The following UBFD1 variants were observed in gnomAD, a reference collection of about 807,000 sequenced individuals.
UBFD1 encodes ubiquitin domain-containing protein UBFD1.
A neutral mutation model predicts 35.1 loss-of-function variants in UBFD1; 12 were observed. The observed-to-expected ratio is 0.34, with a 90% confidence interval of 0.22 to 0.55. The LOEUF (loss-of-function observed/expected upper bound fraction) is 0.55. UBFD1 is among the 20% of genes least tolerant of loss of function. UBFD1 has a pLI of 0.89. For synonymous variants in UBFD1, 178 were observed against 167.6 expected (o/e 1.06, Z -0.48); for missense variants, 337 against 410.8 (o/e 0.82, Z 1.55).
At position 23,573,299 on chromosome 16, in the gene UBFD1, C is replaced by CA. The variant is rs1449532814; in HGVS notation, c.*2710dup. ...ATGGAGGGGGTGGCCGTCTCTTAGA[C>CA]ATTGGACACCTCTCAGAGCCTCCTG... On this transcript the variant is annotated 3_prime_UTR_variant, in exon 7 of 7. Coordinates refer to ENST00000395878, the MANE Select transcript of UBFD1 (RefSeq NM_019116.3). 2 of 152,346 alleles carry CA rather than the reference C, an allele frequency of 1.3e-5. No individual in the cohort carries two copies. The highest frequency in any genetic ancestry group is 2.9e-5 in the Non-Finnish European group (2 of 68,036). 9.4% of individuals were successfully genotyped at this position (152,346 alleles called of 1,614,324 possible).
rs1024191923 is a variant in UBFD1, at chr16:23,562,145, G to A, written c.565-61G>A. 66 of 1,486,278 alleles carry A rather than the reference G, an allele frequency of 4.4e-5. No homozygotes were observed. In the South Asian group the frequency reaches 4.9e-4, roughly 11 times the overall value. The allele number at this position is 1,486,278 out of a possible 1,614,324, so 92.1% of individuals were successfully genotyped here. A position where few individuals can be genotyped will look rare whatever the true frequency, so the allele number is the denominator to read the frequency against. The stretch of plus-strand genomic sequence containing the variant: ...GCTTTCTTCATCCTCTCTTTCAAGG[G>A]AATAGTAACACGACGAAATGTAGTC... On this transcript the variant is annotated intron_variant, in intron 3 of 6. Coordinates refer to ENST00000395878, the MANE Select transcript of UBFD1 (RefSeq NM_019116.3).
chr16:23,564,731 CTG>C (rs1965986495), intron 5 of UBFD1: 1 of 152,230 alleles, frequency 6.6e-6, no homozygotes, highest in Admixed American at 6.5e-5. Context: ...GGAACTAAGT[CTG>C]TAAGTGCTCA....
At chr16:23,562,114 A>C in intron 3 of UBFD1, 92 bp from the exon 4 acceptor site, 1 of 1,231,408 alleles carries the variant, frequency 8.1e-7, no homozygotes, top group Non-Finnish European at 1.2e-6. Flanking sequence ...GAGCCAAAAC[A>C]CTAAGGCTTT....
At chr16:23,565,174 T>C (rs1199887534) in intron 5 of UBFD1, 1 of 152,220 alleles carries the variant, frequency 6.6e-6, no homozygotes, top group African/African-American at 2.4e-5. Flanking sequence ...GTCTTTCTGC[T>C]GGCAAGAAGA....
chr16:23,559,648 A>T lies in UBFD1; in HGVS notation c.536A>T (p.Asn179Ile). The T allele has an allele frequency of 6.2e-7, 1 of 1,614,240 alleles. No homozygotes were observed. The highest frequency in any genetic ancestry group is 8.5e-7 in the Non-Finnish European group (1 of 1,180,042). ...CAGCAGGATGCAAAGGCCGAAGAGAACAAGAAGGAGCCTCTCTGCAGGCAG... is the reference window on the plus strand; with the variant it reads ...CAGCAGGATGCAAAGGCCGAAGAGATCAAGAAGGAGCCTCTCTGCAGGCAG... The part of the protein sequence containing the change: ...AAQQDAKAEE[N>I]KKEPLCRQKQ... Residue 179 changes from asparagine to isoleucine, a missense_variant, in exon 3 of 7, where the codon AAC (asparagine) becomes ATC (isoleucine). Asn to Ile is a moderately radical substitution (Grantham distance 149). Coordinates refer to ENST00000395878, the MANE Select transcript of UBFD1 (RefSeq NM_019116.3).
Position 23,557,996 on chromosome 16 carries a change from T to C in UBFD1, c.72T>C (p.Thr24=). 1 of 1,369,336 alleles carries C rather than the reference T, an allele frequency of 7.3e-7. No individual in the cohort carries two copies. Among genetic ancestry groups the C allele is most frequent in the South Asian group, 2.3e-5 (1 of 43,720 alleles). 84.8% of individuals were successfully genotyped at this position (1,369,336 alleles called of 1,614,324 possible). A position where few individuals can be genotyped will look rare whatever the true frequency, so the allele number is the denominator to read the frequency against. ...GMDTEAETVA[T]EAPARPVNCL... is the part of the protein sequence containing the mutation. ...ACACGGAGGCCGAGACTGTGGCTAC[T>C]GAGGCTCCCGCGCGGCCCGTCAACT... is the stretch of plus-strand genomic sequence containing the variant. Residue 24 remains threonine, a synonymous_variant, in exon 2 of 7, where the codon ACT becomes ACC. Transcript: ENST00000395878.
intron 6 of UBFD1, 102 bp downstream of exon 6, chr16:23,567,171 TC>T: frequency 9.1e-7 from 1 of 1,100,746 alleles, no homozygotes; most frequent in Non-Finnish European, 1.3e-6. Context: ...AAACTCAGTC[TC>T]CAGAAGATGC....
chr16:23,561,136 A>G (rs1325600417), intron 3 of UBFD1, among the ~76,000 whole-genome samples: 1 of 152,208 alleles, frequency 6.6e-6, no homozygotes, highest in Non-Finnish European at 1.5e-5. Flanking sequence ...GCCAATTATG[A>G]TGCATCACAT....
rs1597033808 is a variant in UBFD1, at chr16:23,557,779, G to A, written c.25+12G>A. 1.6e-6 allele frequency: 2 copies of A among 1,282,402 alleles called. No individual in the cohort carries two copies. Among genetic ancestry groups the A allele is most frequent in the Non-Finnish European group, 9.9e-7 (1 of 1,014,654 alleles). The allele number at this position is 1,282,402 out of a possible 1,614,324, so 79.4% of individuals were successfully genotyped here. A position where few individuals can be genotyped will look rare whatever the true frequency, so the allele number is the denominator to read the frequency against. On this transcript the variant is annotated intron_variant, in intron 1 of 6. Transcript: ENST00000395878. The stretch of plus-strand genomic sequence containing the variant: ...CGGGGCCCCGGATGGTGAGTGCGGC[G>A]GGGGTGGCGGGCGCCGGGCCGGGGC...
At chr16:23,560,227 G>T (rs1170068271) in intron 3 of UBFD1, among the ~76,000 whole-genome samples, 1 of 152,012 alleles carries the variant, frequency 6.6e-6, no homozygotes, top group Non-Finnish European at 1.5e-5. Flanking sequence ...GGTTTTTTAC[G>T]TTCTCTGTTC....
At chr16:23,562,382 GAC>G (rs199682807) in intron 4 of UBFD1, 111 bp downstream of exon 4, 1 of 1,022,696 alleles carries the variant, frequency 9.8e-7, no homozygotes, top group African/African-American at 1.7e-5. Context: ...TTTTTTTTGA[GAC>G]AGAGTCTTGC....
At position 23,558,139 on chromosome 16, in the gene UBFD1, G is replaced by T; in HGVS notation, c.215G>T (p.Ser72Ile). 1 of 1,604,238 alleles carries T rather than the reference G, an allele frequency of 6.2e-7. No individual in the cohort carries two copies. Among genetic ancestry groups the T allele is most frequent in the Non-Finnish European group, 8.5e-7 (1 of 1,176,254 alleles). Residue 72 changes from serine to isoleucine, a missense_variant, in exon 2 of 7, where the codon AGC (serine) becomes ATC (isoleucine). By Grantham distance (142) the Ser-to-Ile change is moderately radical. Coordinates refer to ENST00000395878, the MANE Select transcript of UBFD1 (RefSeq NM_019116.3). ...PGDPAAQASV[S>I]NGEDAGGGAG... ...GACCCCGCAGCCCAGGCCTCGGTCA[G>T]CAACGGCGAAGACGCGGGCGGCGGC... is the stretch of plus-strand genomic sequence containing the variant.
At chr16:23,559,334 C>T (rs901003327) in intron 2 of UBFD1, 134 bp from the exon 3 acceptor site, 5 of 731,442 alleles carry the variant, frequency 6.8e-6, no homozygotes, top group African/African-American at 1.8e-5. Flanking sequence ...GGTTGTAAAT[C>T]TCCCAAGTTC....
chr16:23,570,610 C>A lies in UBFD1; in HGVS notation c.*20C>A, dbSNP rs368805337. The A allele has an allele frequency of 3.7e-6, 6 of 1,600,498 alleles. No individual in the cohort carries two copies. In the East Asian group the frequency reaches 8.9e-5, roughly 24 times the overall value. On this transcript the variant is annotated 3_prime_UTR_variant, in exon 7 of 7. Coordinates refer to ENST00000395878, the MANE Select transcript of UBFD1 (RefSeq NM_019116.3). The stretch of plus-strand genomic sequence containing the variant: ...TTTTGAAAGCACTTTCACCTCTGGC[C>A]CAGGAGACTGACCCAAAGTGAAGGA...
intron 2 of UBFD1, 169 bp from the exon 3 acceptor site, chr16:23,559,299 A>G (rs1022993358): frequency 1.2e-5 from 7 of 602,048 alleles, no homozygotes; most frequent in South Asian, 2.0e-5. Flanking sequence ...TAAATCTTCT[A>G]CAGTTCTAGA....
intron 6 of UBFD1, among the ~76,000 whole-genome samples, chr16:23,570,214 C>T (rs1010311263): frequency 2.6e-5 from 4 of 152,156 alleles, no homozygotes; most frequent in African/African-American, 4.8e-5. Context: ...AGGGTTGGAG[C>T]CTGCTGATCC....
In UBFD1 at chr16:23,570,336, G is replaced by C. The variant is rs1966066655; in HGVS notation, c.820-144G>C. The C allele has an allele frequency of 1.2e-5, 8 of 647,842 alleles. No homozygotes were observed. The South Asian group carries it at 1.3e-4, about 11-fold the overall frequency. 40.1% of individuals were successfully genotyped at this position (647,842 alleles called of 1,614,324 possible). A position where few individuals can be genotyped will look rare whatever the true frequency, so the allele number is the denominator to read the frequency against. ...CCTGCCTGTTTTTGTTTTTGGTTGG[G>C]AGAATGCTCCCCACGTGCAAAGTTT... On this transcript the variant is annotated intron_variant, in intron 6 of 6. Transcript: ENST00000395878.
chr16:23,557,970 G>A lies in UBFD1; in HGVS notation c.46G>A (p.Asp16Asn), dbSNP rs372140981. The A allele has an allele frequency of 2.9e-4, 392 of 1,364,444 alleles. No homozygotes were observed. Among genetic ancestry groups the A allele is most frequent in the Non-Finnish European group, 3.6e-4 (378 of 1,061,208 alleles). The allele number at this position is 1,364,444 out of a possible 1,614,324, so 84.5% of individuals were successfully genotyped here. The change falls in exon 2 of 7, where the codon GAC becomes AAC. Residue 16 changes from aspartate (D) to asparagine (N), a missense_variant. Physicochemically the swap from Asp to Asn is conservative, Grantham distance 23. This residue lies in a region of UBFD1 where 198 missense variants were observed against 168.4 expected (regional missense o/e 1.18). Coordinates refer to ENST00000395878, the MANE Select transcript of UBFD1 (RefSeq NM_019116.3). ...APDGMEEPGM[D>N]TEAETVATEA... ...TGCAGGCATGGAGGAACCTGGCATG[G>A]ACACGGAGGCCGAGACTGTGGCTAC...
At chr16:23,565,961 T>G (rs745558656) in intron 5 of UBFD1, 1 of 151,662 alleles carries the variant, frequency 6.6e-6, no homozygotes, top group South Asian at 2.1e-4. Flanking sequence ...CCGCTTCACT[T>G]GGCTCACTCC....
Sources: gnomAD v4.1 joint callset for allele counts (sites outside exome capture counted in the v4.1 genomes callset) on GRCh38, gnomAD v4.1.1 for gene constraint, gnomAD v4.1.1 regional missense constraint, MANE v1.5 for transcripts, NCBI Gene and HGNC (gene_info 2026-07-23, HGNC 2026-07-21) for gene names.